The following STEEP1 variants were observed in gnomAD, a reference collection of about 807,000 sequenced individuals.
STEEP1 encodes STING1 ER exit protein 1.
In STEEP1, 3 loss-of-function variants were observed where a neutral mutation model predicts 19.2. The ratio of observed to expected loss-of-function variants is 0.16; its 90% confidence interval spans 0.07 to 0.40. The LOEUF is 0.40. Among genes scored for constraint, STEEP1 ranks in the 10% least tolerant of loss-of-function variants. The pLI, the probability that STEEP1 is intolerant of heterozygous loss-of-function variation, is 0.99. For missense variants in STEEP1, 54 were observed against 177.1 expected, an observed-to-expected ratio of 0.30 and a Z score of 3.94; for synonymous variants, 46 against 63.7, an observed-to-expected ratio of 0.72 and a Z score of 1.32.
Position 119,565,365 on chromosome X carries a change from G to C in STEEP1, c.-10C>G, listed in dbSNP as rs374065810. The C allele has an allele frequency of 1.7e-6, 2 of 1,177,201 alleles. No homozygotes were observed. Among genetic ancestry groups the C allele is most frequent in the African/African-American group, 1.8e-5 (1 of 56,342 alleles). On this transcript the variant is annotated 5_prime_UTR_variant, in exon 1 of 7. Transcript: ENST00000644802. ...ACACTACTTTCGGCATGATTCCCAA[G>C]AGCAATCTGAAAACTCTACGCCAAG...
At chrX:119,560,167 G>C (rs2053311194) in intron 2 of STEEP1, 101 bp downstream of exon 2, 2 of 558,398 alleles carry the variant, frequency 3.6e-6, no homozygotes, top group Non-Finnish European at 6.1e-6. Flanking sequence ...AAAGTATTGG[G>C]ACCAACTGAC....
At chrX:119,545,352 CAAAAA>C in intron 3 of STEEP1, 106 bp downstream of exon 3, 4 of 372,805 alleles carry the variant, frequency 1.1e-5, no homozygotes, top group Non-Finnish European at 1.8e-5. Context: ...GACTCTGTCT[CAAAAA>C]AAAAAAAAAA....
At position 119,551,241 on chromosome X, in the gene STEEP1, G is replaced by A. The variant is rs777376392; in HGVS notation, c.243-5737C>T. On this transcript the variant is annotated intron_variant, in intron 2 of 6. Transcript: ENST00000644802. Reference sequence around the variant, plus strand: ...CACACCTGTAATCCCAGCACTCTGGGAGGCCAAGGCAGGTGGATCACCTGA... The same window carrying A: ...CACACCTGTAATCCCAGCACTCTGGAAGGCCAAGGCAGGTGGATCACCTGA... Among the ~76,000 whole-genome samples the A allele has an allele frequency of 2.7e-5, 3 of 110,534 alleles. No homozygotes were observed. The South Asian group carries it at 1.2e-3, about 43-fold the overall frequency.
In STEEP1 at chrX:119,542,055, C is replaced by CTTTTTTTTTTTT. The variant is rs201339708; in HGVS notation, c.513+438_513+449dup. Among the ~76,000 whole-genome samples, 199 of 82,893 alleles carry CTTTTTTTTTTTT rather than the reference C, an allele frequency of 2.4e-3. 8 individuals are homozygous for CTTTTTTTTTTTT. Among genetic ancestry groups the CTTTTTTTTTTTT allele is most frequent in the Middle Eastern group, 6.7e-3 (1 of 150 alleles). The allele number at this position is 82,893 out of a possible 115,157, so 72.0% of individuals were successfully genotyped here. On this transcript the variant is annotated intron_variant, in intron 5 of 6. Coordinates refer to ENST00000644802, the MANE Select transcript of STEEP1 (RefSeq NM_022101.4). ...TCACTGTCAGAGTTTCTTTTCTTTTCTTTTTTTTTTTTTTTTTTTTTTTTT... is the reference window on the plus strand; with the variant it reads ...TCACTGTCAGAGTTTCTTTTCTTTTCTTTTTTTTTTTTTTTTTTTTTTTTTTTTTTTTTTTTT...
At chrX:119,560,220 A>G in intron 2 of STEEP1, 48 bp downstream of exon 2, 1 of 871,961 alleles carries the variant, frequency 1.1e-6, no homozygotes. Context: ...TCAGAAACAG[A>G]CTCCAACACA....
At position 119,541,397 on chromosome X, in the gene STEEP1, T is replaced by G. The variant is rs771325861; in HGVS notation, c.537A>C (p.Ala179=). The G allele has an allele frequency of 9.2e-6, 11 of 1,189,399 alleles. No homozygotes were observed. Among genetic ancestry groups the G allele is most frequent in the Non-Finnish European group, 1.3e-5 (11 of 875,307 alleles). ...GTTTTTCAATCACTTTGGCATTCTG[T>G]GCATATGAGTCAGCAACTTCCCTCT... ...IEAREVADSY[A]QNAKVIEKQL... The change falls in exon 6 of 7, where the codon GCA becomes GCC. Residue 179 remains alanine (A), a synonymous_variant. Transcript: ENST00000644802.
At chrX:119,550,917 C>T (rs2053237737) in intron 2 of STEEP1, among the ~76,000 whole-genome samples, 1 of 111,046 alleles carries the variant, frequency 9.0e-6, no homozygotes, top group African/African-American at 3.3e-5. Context: ...CCCACCTCGG[C>T]CTCCCAAAGT....
At position 119,539,304 on chromosome X, in the gene STEEP1, G is replaced by A. The variant is rs1353427941; in HGVS notation, c.*423C>T. 8.7e-6 allele frequency: 1 copy of A among 115,007 alleles called. No individual in the cohort carries two copies. The highest frequency in any genetic ancestry group is 1.8e-5 in the Non-Finnish European group (1 of 55,296). The allele number at this position is 115,007 out of a possible 1,213,427, so 9.5% of individuals were successfully genotyped here. ...CCCAGCACTTTGGGAGGCCTAGGTG[G>A]GTGGATCATTTGAGGTCAGGAGTTG... is the stretch of plus-strand genomic sequence containing the variant. On this transcript the variant is annotated 3_prime_UTR_variant, in exon 7 of 7. Transcript: ENST00000644802.
At chrX:119,558,050 G>A (rs1391418777) in intron 2 of STEEP1, among the ~76,000 whole-genome samples, 1 of 110,284 alleles carries the variant, frequency 9.1e-6, no homozygotes, top group Non-Finnish European at 1.9e-5. Flanking sequence ...GGGATTACAG[G>A]CACACGCGCC....
intron 5 of STEEP1, 77 bp from the exon 6 acceptor site, chrX:119,541,497 T>C: frequency 1.7e-6 from 1 of 576,119 alleles, no homozygotes; most frequent in Non-Finnish European, 3.0e-6. Context: ...TCATAATGTA[T>C]ACTACTCAAA....
intron 4 of STEEP1, among the ~76,000 whole-genome samples, chrX:119,543,058 C>T (rs182325723): frequency 3.8e-5 from 4 of 105,249 alleles, no homozygotes; most frequent in Non-Finnish European, 7.8e-5. Context: ...GCATCCTTAA[C>T]GCTTAATGTC....
At chrX:119,550,330 T>C (rs2053234550) in intron 2 of STEEP1, among the ~76,000 whole-genome samples, 1 of 111,797 alleles carries the variant, frequency 8.9e-6, no homozygotes, top group Admixed American at 9.6e-5. Context: ...AAAGCTATAG[T>C]AATAAAGACA....
At chrX:119,546,131 C>T (rs1012111206) in intron 2 of STEEP1, among the ~76,000 whole-genome samples, 2 of 110,231 alleles carry the variant, frequency 1.8e-5, no homozygotes, top group Admixed American at 9.8e-5. Flanking sequence ...GTGCCAAGAG[C>T]TATTCTAAAG....
chrX:119,550,850 AT>A (rs2053237458), intron 2 of STEEP1, among the ~76,000 whole-genome samples: 2 of 110,713 alleles, frequency 1.8e-5, no homozygotes, highest in Admixed American at 1.9e-4. Flanking sequence ...TTTAGTAGAC[AT>A]GGGGTTTCGC....
chrX:119,546,559 T>C (rs1324425973), intron 2 of STEEP1, among the ~76,000 whole-genome samples: 1 of 111,314 alleles, frequency 9.0e-6, no homozygotes, highest in Admixed American at 9.7e-5. Flanking sequence ...CACAGAGTAT[T>C]ACATGGCTTG....
intron 1 of STEEP1, among the ~76,000 whole-genome samples, chrX:119,563,318 GT>G (rs1487009431): frequency 4.6e-5 from 3 of 65,004 alleles, no homozygotes; most frequent in Non-Finnish European, 7.0e-5. Flanking sequence ...GGAGGCCTAG[GT>G]GGGTGGATCA....
intron 5 of STEEP1, among the ~76,000 whole-genome samples, chrX:119,541,846 G>C (rs2053162830): frequency 9.0e-6 from 1 of 111,730 alleles, no homozygotes; most frequent in African/African-American, 3.2e-5. Context: ...ACCACGAGTT[G>C]GGCTGGAAGG....
At chrX:119,561,789 G>T (rs2053322572) in intron 1 of STEEP1, among the ~76,000 whole-genome samples, 1 of 112,315 alleles carries the variant, frequency 8.9e-6, no homozygotes, top group South Asian at 3.6e-4. Context: ...GGTGAAGAGA[G>T]GAGTTAGAGA....
chrX:119,555,239 A>C (rs773640626), intron 2 of STEEP1, among the ~76,000 whole-genome samples: 101 of 110,973 alleles, frequency 9.1e-4, no homozygotes, highest in Non-Finnish European at 1.3e-3. Context: ...TAAAATGATA[A>C]ATGTTTGTTC....
Sources: allele counts gnomAD v4.1 joint callset (sites outside exome capture counted in the v4.1 genomes callset), GRCh38; gene constraint gnomAD v4.1.1; transcripts MANE v1.5; gene names NCBI Gene and HGNC (gene_info 2026-07-23, HGNC 2026-07-21).